BRCA1: variants seen among roughly 807,000 people sequenced by gnomAD.
BRCA1 encodes breast cancer type 1 susceptibility protein.
BRCA1 carries 140 observed loss-of-function variants against 173.7 expected under a neutral mutation model. The ratio of observed to expected loss-of-function variants is 0.81; its 90% CI spans 0.70 to 0.93. The LOEUF (loss-of-function observed/expected upper bound fraction) is 0.93. BRCA1 is among the 40% of genes least tolerant of loss of function. The pLI is 0.00. For missense variants in BRCA1, 1,983 were observed against 2,172.5 expected (o/e 0.91, Z 1.73); for synonymous variants, 662 against 756.0 (o/e 0.88, Z 2.04).
chr17:43,128,506 T>C (rs528095680), upstream of BRCA1, among the ~76,000 whole-genome samples: 1 of 152,180 alleles, frequency 6.6e-6, no homozygotes, highest in South Asian at 2.1e-4. Context: ...AACCCACCAA[T>C]TTCGGACACA....
Position 43,100,678 on chromosome 17 carries a change from A to ATGT in BRCA1, c.442-799_442-798insACA, listed in dbSNP as rs1491277616. 5.5e-5 allele frequency among the ~76,000 whole-genome samples: 2 copies of ATGT among 36,280 alleles called. 1 individual carries two copies. Among genetic ancestry groups the ATGT allele is most frequent in the South Asian group, 2.3e-3 (2 of 876 alleles). 23.8% of individuals were successfully genotyped at this position (36,280 alleles called of 152,430 possible). Reference sequence around the variant, plus strand: ...ATAACATATATATATATATATATATAATATATATATATATATATATATATG... The same window carrying ATGT: ...ATAACATATATATATATATATATATATGTATATATATATATATATATATATATG... On this transcript the variant is annotated intron_variant, in intron 6 of 22. Transcript: ENST00000357654.
intron 2 of BRCA1, among the ~76,000 whole-genome samples, chr17:43,122,795 C>T (rs2055637080): frequency 6.6e-6 from 1 of 151,756 alleles, no homozygotes; most frequent in Admixed American, 6.6e-5. Flanking sequence ...GCCTGTAATC[C>T]TAGCACTTTG....
In BRCA1 at chr17:43,071,231, G is replaced by A. The variant is rs878853265; in HGVS notation, c.4683C>T (p.Thr1561=). 2 of 1,614,066 alleles carry A rather than the reference G, an allele frequency of 1.2e-6. No individual in the cohort carries two copies. Among genetic ancestry groups the A allele is most frequent in the Admixed American group, 1.7e-5 (1 of 60,022 alleles). Reference sequence around the variant, plus strand: ...GGCTGATTCCAGATTCCAGGTAAGGGGTTCCCTCTGAAAGGAATGGGAGAA... The same window carrying A: ...GGCTGATTCCAGATTCCAGGTAAGGAGTTCCCTCTGAAAGGAATGGGAGAA... ...SYLPRQDLEG[T]PYLESGISLF... is the part of the protein sequence containing the mutation. Residue 1561 remains threonine (T), a synonymous_variant, in exon 15 of 23, where the codon ACC becomes ACT. Coordinates refer to ENST00000357654, the MANE Select transcript of BRCA1 (RefSeq NM_007294.4).
intron 1 of BRCA1, chr17:43,161,051 C>T (rs1343531846): frequency 6.6e-6 from 1 of 152,194 alleles, no homozygotes; most frequent in African/African-American, 2.4e-5. Context: ...ATATCTCTAA[C>T]TATGTCTTCA....
intron 3 of BRCA1, among the ~76,000 whole-genome samples, chr17:43,108,415 TA>T (rs918639767): frequency 1.1e-4 from 16 of 151,192 alleles, no homozygotes; most frequent in African/African-American, 3.6e-4. Flanking sequence ...ATTTAACATT[TA>T]TTACCCTCTC....
rs2051895761 is a variant in BRCA1, at chr17:43,063,734, A to G, written c.5152+140T>C. ...CTGAACAAAGTGATATTAAAGATAAAAGTAGTTTAGTATTACAATTAAAGA... is the reference window on the plus strand; with the variant it reads ...CTGAACAAAGTGATATTAAAGATAAGAGTAGTTTAGTATTACAATTAAAGA... On this transcript the variant is annotated intron_variant, in intron 17 of 22. Transcript: ENST00000357654. 4.2e-6 allele frequency: 3 copies of G among 710,754 alleles called. No individual in the cohort carries two copies. In the Admixed American group the frequency reaches 7.3e-5, roughly 17 times the overall value. 44.0% of individuals were successfully genotyped at this position (710,754 alleles called of 1,614,324 possible).
rs141643392 is a variant in BRCA1, at chr17:43,162,559, G to A, written c.-20+7567C>T. On this transcript the variant is annotated intron_variant, in intron 1 of 7. Coordinates refer to the BRCA1 transcript ENST00000634433. ...GTACAGAATAACATTATACAAACAAGTTATTTTTAGAGTTCCAGTACACTT... is the reference window on the plus strand; with the variant it reads ...GTACAGAATAACATTATACAAACAAATTATTTTTAGAGTTCCAGTACACTT... 1.6e-3 allele frequency: 250 copies of A among 152,196 alleles called. 1 individual carries two copies. The highest frequency in any genetic ancestry group is 5.4e-3 in the African/African-American group (224 of 41,520). 9.4% of individuals were successfully genotyped at this position (152,196 alleles called of 1,614,324 possible).
At chr17:43,112,442 A>G (rs1597907660) in intron 3 of BRCA1, 1 of 152,106 alleles carries the variant, frequency 6.6e-6, no homozygotes, top group Non-Finnish European at 1.5e-5. Flanking sequence ...TGGCTGGCCC[A>G]TCTCTACAAG....
chr17:43,092,022 A>T lies in BRCA1; in HGVS notation c.3509T>A (p.Ile1170Asn), dbSNP rs780869838. Reference protein sequence around the residue: ...KEDTSFAENDIKESSAVFSKS... With the variant: ...KEDTSFAENDNKESSAVFSKS... ...GCTAAAAACAGCAGAACTTTCCTTA[A>T]TGTCATTTTCAGCAAAACTAGTATC... The change falls in exon 10 of 23, where the codon ATT becomes AAT. Residue 1170 changes from isoleucine (I) to asparagine (N), a missense_variant. Transcript: ENST00000357654. 1 of 1,614,054 alleles carries T rather than the reference A, an allele frequency of 6.2e-7. No individual in the cohort carries two copies. The highest frequency in any genetic ancestry group is 8.5e-7 in the Non-Finnish European group (1 of 1,180,004).
chr17:43,072,573 T>C (rs994504843), intron 14 of BRCA1, among the ~76,000 whole-genome samples: 1 of 151,302 alleles, frequency 6.6e-6, no homozygotes, highest in Non-Finnish European at 1.5e-5. Flanking sequence ...GCTGATTTTT[T>C]TTTTTTTTGA....
upstream of BRCA1, among the ~76,000 whole-genome samples, chr17:43,127,083 G>C (rs532569075): frequency 5.2e-4 from 79 of 152,320 alleles, no homozygotes; most frequent in African/African-American, 1.9e-3. Flanking sequence ...CCTGCAGCCC[G>C]CCATGCCCGA....
At chr17:43,123,498 T>C (rs1199901058) in intron 2 of BRCA1, among the ~76,000 whole-genome samples, 1 of 151,848 alleles carries the variant, frequency 6.6e-6, no homozygotes, top group Admixed American at 6.6e-5. Flanking sequence ...TACAGGCACA[T>C]GCCACTACGC....
upstream of BRCA1, among the ~76,000 whole-genome samples, chr17:43,127,011 G>A (rs769761849): frequency 3.3e-5 from 5 of 152,178 alleles, no homozygotes; most frequent in South Asian, 2.1e-4. Context: ...CTGCCGGCCC[G>A]CCTGCACCCC....
intron 1 of BRCA1, among the ~76,000 whole-genome samples, chr17:43,139,316 G>A (rs1339343957): frequency 6.8e-6 from 1 of 147,826 alleles, no homozygotes; most frequent in Admixed American, 6.8e-5. Flanking sequence ...TGGGTTTGTT[G>A]TACAGATTAT....
At chr17:43,077,941 G>C (rs1257841892) in intron 12 of BRCA1, among the ~76,000 whole-genome samples, 1 of 149,546 alleles carries the variant, frequency 6.7e-6, no homozygotes, top group Non-Finnish European at 1.5e-5. Context: ...CTCCATGTTG[G>C]TCACGCTGGT....
intron 1 of BRCA1, among the ~76,000 whole-genome samples, chr17:43,134,780 A>G (rs1256416417): frequency 1.3e-5 from 2 of 152,210 alleles, no homozygotes; most frequent in African/African-American, 2.4e-5. Context: ...GGCGGCCCTC[A>G]TACAGTTCAG....
intron 7 of BRCA1, among the ~76,000 whole-genome samples, chr17:43,097,747 G>A (rs189187763): frequency 9.3e-4 from 141 of 152,186 alleles, no homozygotes; most frequent in African/African-American, 3.3e-3. Flanking sequence ...AAGTATAATA[G>A]GAACAATCTC....
At chr17:43,151,982 T>G (rs550687746) in intron 1 of BRCA1, among the ~76,000 whole-genome samples, 2 of 152,238 alleles carry the variant, frequency 1.3e-5, no homozygotes, top group Non-Finnish European at 2.9e-5. Flanking sequence ...TTTACATGCA[T>G]TATTTCCTTT....
chr17:43,100,677 T>TATATAA (rs2054415516), intron 6 of BRCA1, among the ~76,000 whole-genome samples: 2 of 14,696 alleles, frequency 1.4e-4, no homozygotes, highest in African/African-American at 8.5e-4. Context: ...TATATATATA[T>TATATAA]AATATATATA....
Sources: gnomAD v4.1 joint callset for allele counts (sites outside exome capture counted in the v4.1 genomes callset) on GRCh38, gnomAD v4.1.1 for gene constraint, MANE v1.5 for transcripts, NCBI Gene and HGNC (gene_info 2026-07-23, HGNC 2026-07-21) for gene names.